FER: variants seen among roughly 807,000 people sequenced by gnomAD.
FER encodes the protein tyrosine-protein kinase Fer.
Under a neutral mutation model 111.0 loss-of-function variants are expected in FER, and 63 were observed. That is an observed-to-expected ratio of 0.57 (90% CI 0.46 to 0.70). FER has a LOEUF of 0.70. Among genes scored for constraint, FER ranks in the 30% least tolerant of loss-of-function variants. The pLI, the probability that FER is intolerant of heterozygous loss-of-function variation, is 0.00. For synonymous variants in FER, 327 were observed against 313.9 expected, an observed-to-expected ratio of 1.04 and a Z score of -0.44; for missense variants, 914 against 954.0, an observed-to-expected ratio of 0.96 and a Z score of 0.55.
intron 10 of FER, among the ~76,000 whole-genome samples, chr5:108,911,962 G>A (rs574629120): frequency 1.8e-4 from 27 of 152,234 alleles, no homozygotes; most frequent in Middle Eastern, 3.4e-3. Context: ...ATTGAATCAC[G>A]AGGGCAGTTT....
intron 17 of FER, among the ~76,000 whole-genome samples, chr5:109,143,857 T>C (rs946610806): frequency 1.3e-5 from 2 of 149,924 alleles, no homozygotes; most frequent in East Asian, 3.9e-4. Context: ...CAGCAAAATA[T>C]ATATATATTT....
At chr5:109,071,848 A>G (rs1431995496) in intron 16 of FER, among the ~76,000 whole-genome samples, 2 of 151,954 alleles carry the variant, frequency 1.3e-5, no homozygotes, top group Non-Finnish European at 2.9e-5. Context: ...GAGAAACTGG[A>G]AAAAAGCCAT....
chr5:108,872,290 C>T (rs1217418193), intron 8 of FER, 78 bp downstream of exon 8: 2 of 1,339,478 alleles, frequency 1.5e-6, no homozygotes, highest in Non-Finnish European at 2.0e-6. Context: ...TTTAAAATAT[C>T]AATTATTTTT....
intron 13 of FER, among the ~76,000 whole-genome samples, chr5:109,003,771 G>A (rs1765136890): frequency 6.6e-6 from 1 of 152,066 alleles, no homozygotes; most frequent in South Asian, 2.1e-4. Context: ...CTTGGACCTA[G>A]AATTTCAAGA....
intron 1 of FER, among the ~76,000 whole-genome samples, chr5:108,761,771 A>G (rs1221265918): frequency 6.6e-6 from 1 of 152,182 alleles, no homozygotes; most frequent in East Asian, 1.9e-4. Flanking sequence ...ACAGCAATTT[A>G]CCAGCTATTT....
chr5:108,789,445 C>T (rs1755105374), intron 2 of FER, among the ~76,000 whole-genome samples: 1 of 151,318 alleles, frequency 6.6e-6, no homozygotes, highest in Admixed American at 6.6e-5. Context: ...TTTCTATATT[C>T]TAAATCATGA....
intron 13 of FER, among the ~76,000 whole-genome samples, chr5:108,967,759 C>CAAAAAAAAAAAAAAAAAAAAAAA (rs774855414): frequency 1.5e-4 from 5 of 34,454 alleles, no homozygotes; most frequent in Non-Finnish European, 1.7e-4. Context: ...GACTCCGTCT[C>CAAAAAAAAAAAAAAAAAAAAAAA]AAAAAAAAAA....
chr5:108,811,234 T>C (rs1466667611), intron 3 of FER, among the ~76,000 whole-genome samples: 1 of 152,184 alleles, frequency 6.6e-6, no homozygotes, highest in African/African-American at 2.4e-5. Context: ...CAGGTCATGC[T>C]GCTGATCCAA....
chr5:108,906,104 T>A (rs897147406), intron 10 of FER, among the ~76,000 whole-genome samples: 10 of 152,190 alleles, frequency 6.6e-5, no homozygotes, highest in African/African-American at 2.4e-4. Context: ...CATTTCCCAG[T>A]GTGTAAAATG....
intron 17 of FER, among the ~76,000 whole-genome samples, chr5:109,134,939 A>G (rs1752733142): frequency 6.6e-6 from 1 of 152,176 alleles, no homozygotes; most frequent in Non-Finnish European, 1.5e-5. Flanking sequence ...CTCCCATGAG[A>G]TTGTGATCTT....
chr5:109,075,723 C>A (rs945848964), intron 16 of FER, among the ~76,000 whole-genome samples: 2 of 151,890 alleles, frequency 1.3e-5, no homozygotes, highest in African/African-American at 2.4e-5. Context: ...ATGCCCAGCC[C>A]GCTTAGCATT....
intron 5 of FER, among the ~76,000 whole-genome samples, chr5:108,860,508 T>A (rs1763412956): frequency 6.6e-6 from 1 of 152,244 alleles, no homozygotes; most frequent in Non-Finnish European, 1.5e-5. Flanking sequence ...TAGTACTGAC[T>A]TTTTAACATT....
intron 1 of FER, among the ~76,000 whole-genome samples, chr5:108,760,044 T>A (rs1051373723): frequency 6.6e-6 from 1 of 152,178 alleles, no homozygotes. Flanking sequence ...TATGGCAGAA[T>A]GGATGTTGCG....
At chr5:109,137,370 G>A (rs1753010604) in intron 17 of FER, among the ~76,000 whole-genome samples, 1 of 152,180 alleles carries the variant, frequency 6.6e-6, no homozygotes, top group African/African-American at 2.4e-5. Flanking sequence ...TACTAAAGCT[G>A]TATAGTTCTG....
chr5:108,819,436 G>T (rs1293766460), intron 3 of FER, among the ~76,000 whole-genome samples: 1 of 152,094 alleles, frequency 6.6e-6, no homozygotes, highest in African/African-American at 2.4e-5. Context: ...AATTAGTTTT[G>T]TATTTGAATG....
intron 16 of FER, among the ~76,000 whole-genome samples, chr5:109,067,902 A>G (rs1775305854): frequency 1.3e-5 from 2 of 152,208 alleles, no homozygotes; most frequent in Admixed American, 1.3e-4. Flanking sequence ...AGAAGCCTTT[A>G]TAATATTTTA....
At chr5:108,932,060 A>G (rs1210061857) in intron 10 of FER, among the ~76,000 whole-genome samples, 1 of 151,840 alleles carries the variant, frequency 6.6e-6, no homozygotes, top group Non-Finnish European at 1.5e-5. Flanking sequence ...TCTGGGATAC[A>G]TGTGCAGAAT....
intron 16 of FER, among the ~76,000 whole-genome samples, chr5:109,099,403 T>C (rs560006626): frequency 2.6e-5 from 4 of 151,670 alleles, no homozygotes; most frequent in East Asian, 3.9e-4. Context: ...GATTCAGTAA[T>C]TGGAAAATTT....
Position 108,798,374 on chromosome 5 carries a change from C to A in FER, c.192C>A (p.Val64=). The change falls in exon 3 of 20, where the codon GTC becomes GTA. Residue 64 remains valine (V), a synonymous_variant. Transcript: ENST00000281092. ...DKESTVQMNY[V]SNVSKSWLLM... The stretch of plus-strand genomic sequence containing the variant: ...AAAGTACTGTCCAAATGAATTATGT[C>A]AGCAACGTATCCAAGGTAAGAAGAA... 6.2e-7 allele frequency: 1 copy of A among 1,611,796 alleles called. No individual in the cohort carries two copies. The highest frequency in any genetic ancestry group is 8.5e-7 in the Non-Finnish European group (1 of 1,178,416).
Sources: gnomAD v4.1 joint callset for allele counts (sites outside exome capture counted in the v4.1 genomes callset) on GRCh38, gnomAD v4.1.1 for gene constraint, MANE v1.5 for transcripts, NCBI Gene and HGNC (gene_info 2026-07-23, HGNC 2026-07-21) for gene names.